The following MED12L variants were observed in gnomAD, a reference collection of about 807,000 sequenced individuals.
The protein encoded by MED12L is mediator complex subunit 12L, also known as mediator of RNA polymerase II transcription subunit 12-like protein.
A neutral mutation model predicts 281.3 loss-of-function variants in MED12L; 60 were observed. The observed-to-expected ratio is 0.21, with a 90% confidence interval of 0.17 to 0.26. The LOEUF is 0.26. Ranked by LOEUF, MED12L falls within the 10% of genes least tolerant of loss-of-function variation. The pLI is 1.00. For synonymous variants in MED12L, 974 were observed against 987.2 expected (o/e 0.99, Z 0.25); for missense variants, 2,146 against 2,680.9 (o/e 0.80, Z 4.41).
intron 16 of MED12L, chr3:151,269,710 C>A: frequency 2.4e-6 from 1 of 417,534 alleles, no homozygotes; most frequent in Admixed American, 2.9e-5. Context: ...TGATGAAAAT[C>A]TTTAGTTTGA....
intron 16 of MED12L, among the ~76,000 whole-genome samples, chr3:151,302,399 C>A (rs1426049255): frequency 6.6e-6 from 1 of 152,182 alleles, no homozygotes; most frequent in African/African-American, 2.4e-5. Context: ...ACTAAGAGAT[C>A]ACAATAGACT....
At chr3:151,326,579 G>A (rs1422030128) in intron 16 of MED12L, 1 of 152,130 alleles carries the variant, frequency 6.6e-6, no homozygotes. Context: ...AGTGTACCAG[G>A]GGGAAATATA....
At chr3:151,328,255 A>G in intron 16 of MED12L, 1 of 1,614,006 alleles carries the variant, frequency 6.2e-7, no homozygotes, top group Non-Finnish European at 8.5e-7. Flanking sequence ...ATGGAGCAAA[A>G]CACACAAAGA....
At chr3:151,428,843 C>A (rs1220380239) in intron 43 of MED12L, among the ~76,000 whole-genome samples, 3 of 151,694 alleles carry the variant, frequency 2.0e-5, no homozygotes, top group Non-Finnish European at 4.4e-5. Flanking sequence ...CAATATTTGT[C>A]ATGTGCAATA....
intron 21 of MED12L, among the ~76,000 whole-genome samples, chr3:151,364,655 T>C (rs1351789583): frequency 2.6e-5 from 4 of 152,226 alleles, no homozygotes; most frequent in Non-Finnish European, 4.4e-5. Flanking sequence ...AAGACACAGT[T>C]GTTGGAAGCC....
At position 151,192,664 on chromosome 3, in the gene MED12L, A is replaced by G. The variant is rs1006751509; in HGVS notation, c.2073+10A>G. 5 of 1,465,494 alleles carry G rather than the reference A, an allele frequency of 3.4e-6. No individual in the cohort carries two copies. The highest frequency in any genetic ancestry group is 3.7e-6 in the Non-Finnish European group (4 of 1,082,126). The allele number at this position is 1,465,494 out of a possible 1,614,324, so 90.8% of individuals were successfully genotyped here. ...TGGTTCGGAATTTCCAGTAGGTTCA[A>G]TCTTTGATTCTTATTGACAATTAAG... On this transcript the variant is annotated intron_variant, in intron 15 of 44. Coordinates refer to ENST00000687756, the MANE Select transcript of MED12L (RefSeq NM_001393769.1).
intron 42 of MED12L, 104 bp from the exon 43 acceptor site, chr3:151,416,208 T>A (rs1717530724): frequency 3.1e-6 from 5 of 1,592,888 alleles, no homozygotes; most frequent in Admixed American, 3.4e-5. Context: ...ATATTGTTTT[T>A]ACTACAACAT....
At chr3:151,149,090 A>G (rs1283324994) in intron 5 of MED12L, among the ~76,000 whole-genome samples, 1 of 152,186 alleles carries the variant, frequency 6.6e-6, no homozygotes, top group African/African-American at 2.4e-5. Flanking sequence ...TTTGGTAGTT[A>G]TTTTGGGAGG....
chr3:151,363,128 A>G (rs1251551122), intron 21 of MED12L, among the ~76,000 whole-genome samples: 2 of 152,096 alleles, frequency 1.3e-5, no homozygotes, highest in African/African-American at 4.8e-5. Flanking sequence ...GGGTACCAGC[A>G]CACAGTGAAT....
chr3:151,318,907 CT>C (rs1748636427), intron 16 of MED12L, among the ~76,000 whole-genome samples: 1 of 152,090 alleles, frequency 6.6e-6, no homozygotes, highest in South Asian at 2.1e-4. Flanking sequence ...AGGTGGCCCC[CT>C]TTTTCTCCTG....
chr3:151,328,488 A>T (rs974761001), intron 16 of MED12L: 1 of 1,614,052 alleles, frequency 6.2e-7, no homozygotes, highest in African/African-American at 1.3e-5. Flanking sequence ...TTTTTCACAG[A>T]CGATGGTGTT....
intron 20 of MED12L, among the ~76,000 whole-genome samples, chr3:151,360,160 T>G (rs573994790): frequency 6.6e-6 from 1 of 152,256 alleles, no homozygotes; most frequent in African/African-American, 2.4e-5. Context: ...TACAACAGTT[T>G]TCCTTTTGTG....
At chr3:151,398,012 G>C (rs186464887) in intron 39 of MED12L, among the ~76,000 whole-genome samples, 2 of 152,212 alleles carry the variant, frequency 1.3e-5, no homozygotes, top group Non-Finnish European at 2.9e-5. Flanking sequence ...TTCTTATGAG[G>C]TCAGACACTG....
At chr3:151,255,377 C>A (rs1017401152) in intron 16 of MED12L, among the ~76,000 whole-genome samples, 1 of 151,066 alleles carries the variant, frequency 6.6e-6, no homozygotes, top group Non-Finnish European at 1.5e-5. Context: ...GAGGGAGTTT[C>A]TAGATAATGA....
chr3:151,406,308 C>G (rs367994848), intron 39 of MED12L, among the ~76,000 whole-genome samples: 24 of 152,260 alleles, frequency 1.6e-4, no homozygotes, highest in Admixed American at 9.8e-4. Context: ...AGAACTTATT[C>G]ATTCTGTTCT....
At chr3:151,388,543 G>A (rs1258871313) in intron 37 of MED12L, among the ~76,000 whole-genome samples, 1 of 151,992 alleles carries the variant, frequency 6.6e-6, no homozygotes, top group Non-Finnish European at 1.5e-5. Context: ...ATTTTAAGTG[G>A]TTGATATCTT....
intron 5 of MED12L, among the ~76,000 whole-genome samples, chr3:151,138,637 A>G (rs1454195891): frequency 6.6e-6 from 1 of 152,116 alleles, no homozygotes; most frequent in Non-Finnish European, 1.5e-5. Flanking sequence ...CTAGTCAGGT[A>G]TATTGTAGGG....
intron 38 of MED12L, among the ~76,000 whole-genome samples, chr3:151,393,520 C>T (rs142326228): frequency 2.3e-3 from 352 of 151,466 alleles, no homozygotes; most frequent in African/African-American, 8.2e-3. Flanking sequence ...CCCCTCCCAC[C>T]GTAAAGATAA....
chr3:151,116,216 G>T, intron 2 of MED12L, 122 bp from the exon 3 acceptor site: 3 of 614,770 alleles, frequency 4.9e-6, no homozygotes, highest in Non-Finnish European at 5.7e-6. Context: ...TCTGATTGTT[G>T]TCCTTTCAAG....
Sources: allele counts gnomAD v4.1 joint callset (sites outside exome capture counted in the v4.1 genomes callset), GRCh38; gene constraint gnomAD v4.1.1; transcripts MANE v1.5; gene names NCBI Gene and HGNC (gene_info 2026-07-23, HGNC 2026-07-21).